SPAG1: variants seen among roughly 807,000 people sequenced by gnomAD.
The protein encoded by SPAG1 is sperm-associated antigen 1.
Under a neutral mutation model 100.5 loss-of-function variants are expected in SPAG1, and 69 were observed. That is an observed-to-expected ratio of 0.69 (90% confidence interval 0.57 to 0.84). SPAG1 has a LOEUF of 0.84. Among genes scored for constraint, SPAG1 ranks in the 40% least tolerant of loss-of-function variants. The pLI, the probability that SPAG1 is intolerant of heterozygous loss-of-function variation, is 0.00. For missense variants in SPAG1, 955 were observed against 1,133.1 expected (o/e 0.84, Z 2.26); for synonymous variants, 336 against 411.6 (o/e 0.82, Z 2.22).
rs952021481 is a variant in SPAG1, at chr8:100,231,182, G to A, written c.1882G>A (p.Glu628Lys). The stretch of plus-strand genomic sequence containing the variant: ...TGAAAAAACATTTAAAGCCCTTAAG[G>A]AAGAAGGAAATCAATGTGTAAATGA... Reference protein sequence around the residue: ...TDEKTFKALKEEGNQCVNDKN... With the variant: ...TDEKTFKALKKEGNQCVNDKN... Residue 628 changes from glutamate (E) to lysine (K), a missense_variant, in exon 15 of 19, where the codon GAA becomes AAA. Transcript: ENST00000388798. The A allele has an allele frequency of 6.2e-7, 1 of 1,607,750 alleles. No homozygotes were observed. Among genetic ancestry groups the A allele is most frequent in the Non-Finnish European group, 8.5e-7 (1 of 1,176,426 alleles).
Position 100,213,412 on chromosome 8 carries a change from G to A in SPAG1, c.1419G>A (p.Ala473=), listed in dbSNP as rs1472435271. 2.1e-6 allele frequency: 3 copies of A among 1,426,576 alleles called. No individual in the cohort carries two copies. The highest frequency in any genetic ancestry group is 2.4e-4 in the Middle Eastern group (1 of 4,198). The allele number at this position is 1,426,576 out of a possible 1,614,324, so 88.4% of individuals were successfully genotyped here. ...EAAGKYSAAI[A]LLEPAGSEIA... is the part of the protein sequence containing the mutation. ...CCGGCAAGTACTCGGCGGCAATCGC[G>A]CTCCTGGAGCCAGCAGGTAGGTGCG... Residue 473 remains alanine (A), a synonymous_variant, in exon 11 of 19, where the codon GCG becomes GCA. Transcript: ENST00000388798.
chr8:100,212,992 C>CCGCCCTCCGCGTCCTG (rs1817785239), intron 10 of SPAG1, 98 bp from the exon 11 acceptor site: 2 of 994,622 alleles, frequency 2.0e-6, no homozygotes, highest in Admixed American at 4.6e-5. Flanking sequence ...TCCCTAGAGC[C>CCGCCCTCCGCGTCCTG]CGCCCTCCGC....
At chr8:100,162,867 G>C (rs1198702594) in intron 2 of SPAG1, among the ~76,000 whole-genome samples, 1 of 152,178 alleles carries the variant, frequency 6.6e-6, no homozygotes, top group Non-Finnish European at 1.5e-5. Flanking sequence ...AGAAGGCTGA[G>C]GTGGGAGGAT....
At chr8:100,164,246 C>T (rs1162757364) in intron 2 of SPAG1, among the ~76,000 whole-genome samples, 1 of 152,024 alleles carries the variant, frequency 6.6e-6, no homozygotes, top group Non-Finnish European at 1.5e-5. Flanking sequence ...TTCTGCTAGT[C>T]TCTAATATTG....
chr8:100,233,607 A>G (rs890105286), intron 16 of SPAG1, 70 bp downstream of exon 16: 1 of 1,434,940 alleles, frequency 7.0e-7, no homozygotes, highest in African/African-American at 1.4e-5. Flanking sequence ...ACAAGCATAA[A>G]TCTCCAGATC....
intron 16 of SPAG1, among the ~76,000 whole-genome samples, chr8:100,237,909 C>G (rs980061088): frequency 1.3e-5 from 2 of 152,176 alleles, no homozygotes; most frequent in African/African-American, 4.8e-5. Context: ...TCACAGGTCT[C>G]TATTTCCAGT....
rs1046587872 is a variant in SPAG1 at position 100,239,904 on chromosome 8, C to T, written c.2281-499C>T. ...AGATAACTAAAATGTTTTTCTCTGC[C>T]TAATATTAGGGAAGAATGTTAGGCT... On this transcript the variant is annotated intron_variant, in intron 17 of 18. Transcript: ENST00000388798. This position sits in a 1 kb window ranked among gnomAD's most constrained non-coding sequence, Gnocchi z 5.0. 3.3e-5 allele frequency among the ~76,000 whole-genome samples: 5 copies of T among 152,188 alleles called. No individual in the cohort carries two copies. The highest frequency in any genetic ancestry group is 7.3e-5 in the Non-Finnish European group (5 of 68,042).
chr8:100,199,850 T>C lies in SPAG1; in HGVS notation c.1096+5582T>C, dbSNP rs571152687. Among the ~76,000 whole-genome samples the C allele has an allele frequency of 3.9e-5, 6 of 152,362 alleles. No individual in the cohort carries two copies. The South Asian group carries it at 1.2e-3, about 32-fold the overall frequency. On this transcript the variant is annotated intron_variant, in intron 10 of 18. Coordinates refer to ENST00000388798, the MANE Select transcript of SPAG1 (RefSeq NM_003114.5). Reference sequence around the variant, plus strand: ...ACCCTTATTAAATATGATTTGCAAATACTTTTCCCATTCTGTGGGCTATCT... The same window carrying C: ...ACCCTTATTAAATATGATTTGCAAACACTTTTCCCATTCTGTGGGCTATCT...
chr8:100,233,611 C>G, intron 16 of SPAG1, 74 bp downstream of exon 16: 3 of 1,425,902 alleles, frequency 2.1e-6, no homozygotes, highest in Non-Finnish European at 2.9e-6. Context: ...GCATAAATCT[C>G]CAGATCTTGG....
chr8:100,227,050 A>G (rs777223636), intron 14 of SPAG1, among the ~76,000 whole-genome samples: 3 of 152,212 alleles, frequency 2.0e-5, no homozygotes, highest in Non-Finnish European at 4.4e-5. Flanking sequence ...AGCTTACACC[A>G]TACAGCCTGG....
At chr8:100,162,445 G>A (rs1428792530) in intron 2 of SPAG1, 25 bp downstream of exon 2, 1 of 1,524,994 alleles carries the variant, frequency 6.6e-7, no homozygotes, top group Non-Finnish European at 8.8e-7. Flanking sequence ...ATCATTACAT[G>A]TTTTAGTATG....
At chr8:100,171,432 A>T (rs754869415) in intron 3 of SPAG1, among the ~76,000 whole-genome samples, 36 of 152,090 alleles carry the variant, frequency 2.4e-4, no homozygotes, top group Non-Finnish European at 4.7e-4. Context: ...TTTCTTTCTT[A>T]AATGTTTTCA....
chr8:100,224,529 G>A (rs1818422787), intron 13 of SPAG1, among the ~76,000 whole-genome samples: 1 of 152,112 alleles, frequency 6.6e-6, no homozygotes, highest in South Asian at 2.1e-4. Flanking sequence ...GCGACAGAGT[G>A]AGACTCCATC....
intron 10 of SPAG1, among the ~76,000 whole-genome samples, chr8:100,196,064 T>C (rs1248136055): frequency 2.0e-5 from 3 of 152,212 alleles, no homozygotes; most frequent in African/African-American, 7.2e-5. Flanking sequence ...TCTCATTCCT[T>C]TTTACTGCTG....
At chr8:100,235,979 G>A (rs1329357095) in intron 16 of SPAG1, among the ~76,000 whole-genome samples, 1 of 152,130 alleles carries the variant, frequency 6.6e-6, no homozygotes, top group African/African-American at 2.4e-5. Context: ...ATGAGGATCT[G>A]TATGGCTCAT....
chr8:100,223,615 A>G (rs1169754309), intron 13 of SPAG1, among the ~76,000 whole-genome samples: 1 of 145,816 alleles, frequency 6.9e-6, no homozygotes, highest in Non-Finnish European at 1.5e-5. Flanking sequence ...ATCTGTATTT[A>G]TTTTGTTTCT....
chr8:100,169,380 G>A (rs927017059), intron 3 of SPAG1, among the ~76,000 whole-genome samples: 13 of 152,266 alleles, frequency 8.5e-5, no homozygotes, highest in Middle Eastern at 3.4e-3. Flanking sequence ...TACCAAGCCT[G>A]TGAATAGCTG....
At chr8:100,229,377 G>A (rs1273896129) in intron 14 of SPAG1, among the ~76,000 whole-genome samples, 7 of 152,016 alleles carry the variant, frequency 4.6e-5, no homozygotes, top group Non-Finnish European at 1.0e-4. Flanking sequence ...CTGAGATTGC[G>A]CCACCCACCG....
intron 15 of SPAG1, chr8:100,233,113 C>A (rs758940942): frequency 3.7e-4 from 113 of 303,390 alleles, no homozygotes; most frequent in Non-Finnish European, 6.6e-4. Context: ...CCCACTGAAT[C>A]TGATGTAGTT....
Sources: gnomAD v4.1 joint callset for allele counts (sites outside exome capture counted in the v4.1 genomes callset) on GRCh38, gnomAD v4.1.1 for gene constraint, Gnocchi (gnomAD v3.1) non-coding constraint, MANE v1.5 for transcripts, NCBI Gene and HGNC (gene_info 2026-07-23, HGNC 2026-07-21) for gene names.